DNAH5: variants seen among roughly 807,000 people sequenced by gnomAD.
DNAH5 encodes the protein axonemal beta dynein heavy chain 5.
In DNAH5, 372 loss-of-function variants were observed where a neutral mutation model predicts 518.2. The ratio of observed to expected loss-of-function variants is 0.72; its 90% confidence interval spans 0.66 to 0.78. The LOEUF (loss-of-function observed/expected upper bound fraction) is 0.78, where lower values mean the gene tolerates loss of function less well. DNAH5 is among the 30% of genes least tolerant of loss of function. The pLI is 0.00. For synonymous variants in DNAH5, 2,039 were observed against 2,025.9 expected, an observed-to-expected ratio of 1.01 and a Z score of -0.17; for missense variants, 5,523 against 5,687.0, an observed-to-expected ratio of 0.97 and a Z score of 0.93.
chr5:13,894,778 G>A lies in DNAH5; in HGVS notation c.2303C>T (p.Ala768Val). The change falls in exon 16 of 79, where the codon GCT becomes GTT. Residue 768 changes from alanine (A) to valine (V), a missense_variant. By Grantham distance (64) the Ala-to-Val change is moderately conservative. Transcript: ENST00000265104. ...EYQRVKSKIPAAIEQLIVPHL... is the reference protein window; with the variant it reads ...EYQRVKSKIPVAIEQLIVPHL... ...AGGGACAATCAATTGCTCAATGGCAGCAGGTATTTTTGACTTCACTCTCTG... is the reference window on the plus strand; with the variant it reads ...AGGGACAATCAATTGCTCAATGGCAACAGGTATTTTTGACTTCACTCTCTG... 1.9e-6 allele frequency: 3 copies of A among 1,614,096 alleles called. No individual in the cohort carries two copies. Among genetic ancestry groups the A allele is most frequent in the Non-Finnish European group, 1.7e-6 (2 of 1,179,966 alleles).
At chr5:13,738,589 C>G (rs1024017871) in intron 65 of DNAH5, among the ~76,000 whole-genome samples, 19 of 152,102 alleles carry the variant, frequency 1.2e-4, no homozygotes, top group Non-Finnish European at 5.9e-5. Flanking sequence ...TCCTTATTGG[C>G]CTTTTCTTCC....
chr5:13,922,544 TG>T (rs570501850), intron 4 of DNAH5, among the ~76,000 whole-genome samples: 16 of 151,872 alleles, frequency 1.1e-4, no homozygotes, highest in Admixed American at 4.6e-4. Flanking sequence ...CTGGGCAACA[TG>T]GTGAAACCCC....
At chr5:13,695,614 G>A (rs1221070308) in intron 78 of DNAH5, among the ~76,000 whole-genome samples, 4 of 152,150 alleles carry the variant, frequency 2.6e-5, no homozygotes, top group African/African-American at 9.7e-5. Flanking sequence ...CAGTAGCCAG[G>A]AATCATGGGC....
At chr5:13,820,065 GATA>G (rs1012332889) in intron 41 of DNAH5, among the ~76,000 whole-genome samples, 3 of 151,952 alleles carry the variant, frequency 2.0e-5, no homozygotes, top group African/African-American at 7.3e-5. Context: ...ACAAAATGGG[GATA>G]ATAATAACCA....
At chr5:13,923,650 G>A (rs1026000299) in intron 3 of DNAH5, among the ~76,000 whole-genome samples, 1 of 152,170 alleles carries the variant, frequency 6.6e-6, no homozygotes, top group Non-Finnish European at 1.5e-5. Flanking sequence ...CTTCAAAACT[G>A]TTGTTTCAGG....
chr5:13,887,997 C>T lies in DNAH5; in HGVS notation c.2578-1868G>A, dbSNP rs182273460. Among the ~76,000 whole-genome samples the T allele has an allele frequency of 7.2e-5, 11 of 152,244 alleles. No individual in the cohort carries two copies. In the East Asian group the frequency reaches 1.2e-3, roughly 16 times the overall value. On this transcript the variant is annotated intron_variant, in intron 17 of 78. Coordinates refer to ENST00000265104, the MANE Select transcript of DNAH5 (RefSeq NM_001369.3). ...TCTTCAAATCCCTGTGTCCTCAAAT[C>T]GTTACACCATCCTTCCTCGTCATAC... is the stretch of plus-strand genomic sequence containing the variant.
At chr5:13,913,075 C>A (rs1399452758) in intron 11 of DNAH5, among the ~76,000 whole-genome samples, 5 of 151,042 alleles carry the variant, frequency 3.3e-5, no homozygotes, top group Non-Finnish European at 7.4e-5. Context: ...ATTCAAGTAC[C>A]AAAAAAAATT....
In DNAH5 at chr5:13,776,460, G is replaced by A; in HGVS notation, c.9352C>T (p.Pro3118Ser). ...GCTIDWFSRW[P>S]KDALVAVSEH... ...TAACCAGCAACTAAAGCATCTTTGG[G>A]CCATCGGCTGAACCAGTCAATTGTG... The change falls in exon 55 of 79, where the codon CCC becomes TCC. Residue 3118 changes from proline to serine, a missense_variant. Transcript: ENST00000265104. 2 of 1,613,734 alleles carry A rather than the reference G, an allele frequency of 1.2e-6. No individual in the cohort carries two copies. The highest frequency in any genetic ancestry group is 8.5e-7 in the Non-Finnish European group (1 of 1,179,734).
chr5:13,992,807 T>G (rs537981993), intron 1 of DNAH5, among the ~76,000 whole-genome samples: 139 of 152,342 alleles, frequency 9.1e-4, no homozygotes, highest in African/African-American at 3.2e-3. Flanking sequence ...AAGTTATTAG[T>G]TCACTGGGTG....
intron 47 of DNAH5, among the ~76,000 whole-genome samples, chr5:13,795,482 C>T (rs1456606971): frequency 6.6e-6 from 1 of 152,170 alleles, no homozygotes; most frequent in Non-Finnish European, 1.5e-5. Context: ...CACATACACC[C>T]TCCCAAGACT....
intron 69 of DNAH5, 94 bp from the exon 70 acceptor site, chr5:13,727,750 C>T (rs377342746): frequency 6.0e-6 from 8 of 1,324,628 alleles, no homozygotes; most frequent in East Asian, 4.6e-5. Flanking sequence ...CTGACCTCTC[C>T]AGATATGTGT....
chr5:13,823,245 C>A lies in DNAH5; in HGVS notation c.6687+18G>T. On this transcript the variant is annotated intron_variant, in intron 40 of 78. Transcript: ENST00000265104. ...ATGAAACAGACACCAGCCCTCGTTG[C>A]CCTGTGAAGCATATTACCTGTCTAC... 8 of 1,490,284 alleles carry A rather than the reference C, an allele frequency of 5.4e-6. No homozygotes were observed. Among genetic ancestry groups the A allele is most frequent in the Non-Finnish European group, 7.5e-6 (8 of 1,067,092 alleles). 92.3% of individuals were successfully genotyped at this position (1,490,284 alleles called of 1,614,324 possible).
At chr5:13,898,554 C>T (rs1774192290) in intron 15 of DNAH5, 1 of 398,408 alleles carries the variant, frequency 2.5e-6, no homozygotes, top group African/African-American at 2.1e-5. Flanking sequence ...AGTCTGGGTT[C>T]TGGTCTTACT....
intron 1 of DNAH5, among the ~76,000 whole-genome samples, chr5:13,944,120 A>G (rs1256248532): frequency 1.3e-5 from 2 of 152,240 alleles, no homozygotes; most frequent in Admixed American, 1.3e-4. Context: ...CCAGGAAAGC[A>G]TCTTCCCAAA....
intron 1 of DNAH5, among the ~76,000 whole-genome samples, chr5:13,981,190 C>T (rs1235090205): frequency 6.6e-6 from 1 of 152,212 alleles, no homozygotes; most frequent in Non-Finnish European, 1.5e-5. Flanking sequence ...GTATTCCCAG[C>T]ACCCAGAATA....
chr5:13,692,177 C>T, intron 78 of DNAH5, 42 bp from the exon 79 acceptor site: 1 of 1,606,910 alleles, frequency 6.2e-7, no homozygotes, highest in Non-Finnish European at 8.5e-7. Flanking sequence ...GAAATTTCCA[C>T]TTTAGAGCCC....
chr5:13,916,528 T>G, intron 8 of DNAH5, 73 bp from the exon 9 acceptor site: 1 of 740,162 alleles, frequency 1.4e-6, no homozygotes, highest in South Asian at 1.4e-5. Flanking sequence ...AACCATTCCA[T>G]CTGCATTAAA....
rs140063094 is a variant in DNAH5 at position 13,879,230 on chromosome 5, A to C, written c.3263-2413T>G. 8.4e-3 allele frequency among the ~76,000 whole-genome samples: 1,279 copies of C among 152,242 alleles called. 60 individuals carry two copies. The highest frequency in any genetic ancestry group is 0.079 in the Admixed American group (1,201 of 15,290). ...CAGTTCAAATAAAATAACCAAATAA[A>C]TCTCCAGAAACTGTTCTGAGTGAAG... On this transcript the variant is annotated intron_variant, in intron 21 of 78. Transcript: ENST00000265104.
In DNAH5 at chr5:13,882,991, A is replaced by G. The variant is rs770320818; in HGVS notation, c.3087T>C (p.Asp1029=). 1.2e-6 allele frequency: 2 copies of G among 1,614,172 alleles called. No homozygotes were observed. The change falls in exon 20 of 79, where the codon GAT becomes GAC. Residue 1029 remains aspartate (D), a synonymous_variant. Transcript: ENST00000265104. Reference sequence around the variant, plus strand: ...CGGCTTTGTTCAGGGTCTGCTGTACATCTTCCAGGGCAGGGGCCATGACGA... The same window carrying G: ...CGGCTTTGTTCAGGGTCTGCTGTACGTCTTCCAGGGCAGGGGCCATGACGA... ...PNIVMAPALE[D]VQQTLNKAVE...
Sources: gnomAD v4.1 joint callset for allele counts (sites outside exome capture counted in the v4.1 genomes callset) on GRCh38, gnomAD v4.1.1 for gene constraint, MANE v1.5 for transcripts, NCBI Gene and HGNC (gene_info 2026-07-23, HGNC 2026-07-21) for gene names.